Variants in ZNF268 observed in about 807,000 individuals in gnomAD.
ZNF268 encodes zinc finger protein 3.
A neutral mutation model predicts 29.3 loss-of-function variants in ZNF268; 20 were observed. The observed-to-expected ratio is 0.68, with a 90% CI of 0.48 to 0.99. The LOEUF is 0.99. Among genes scored for constraint, ZNF268 ranks in the 50% least tolerant of loss-of-function variants. The pLI, the probability that ZNF268 is intolerant of heterozygous loss-of-function variation, is 0.00. For missense variants in ZNF268, 1,240 were observed against 1,121.6 expected (o/e 1.11, Z -1.51); for synonymous variants, 429 against 376.9 (o/e 1.14, Z -1.60).
chr12:133,201,790 C>G (rs1414693426), intron 5 of ZNF268, among the ~76,000 whole-genome samples: 1 of 151,978 alleles, frequency 6.6e-6, no homozygotes, highest in African/African-American at 2.4e-5. Flanking sequence ...TTCATAGATC[C>G]CTAATGACAT....
At position 133,203,179 on chromosome 12, in the gene ZNF268, AACCTT is replaced by A. The variant is rs1374666781; in HGVS notation, c.1495_1499del (p.Pro499CysfsTer4). On this transcript the variant is annotated frameshift_variant, in exon 6 of 6. Coordinates refer to ENST00000536435, the MANE Select transcript of ZNF268 (RefSeq NM_003415.3). LOFTEE classifies it low-confidence loss of function (END_TRUNC). ...CATCAGAGAAGTCACACAGGAATGA[AACCTT>A]ATGTATGCAATGAATGTGGCAAAGC... The A allele has an allele frequency of 6.5e-7, 1 of 1,537,826 alleles. No homozygotes were observed. The highest frequency in any genetic ancestry group is 8.7e-7 in the Non-Finnish European group (1 of 1,146,842).
rs1293707180 is a variant in ZNF268, at chr12:133,207,348, T to C, written c.*2818T>C. ...GTGAACATAGGTTTAAAAATCCATA[T>C]TTGTGAACATAGGTTTAAAAATTCT... is the stretch of plus-strand genomic sequence containing the variant. On this transcript the variant is annotated 3_prime_UTR_variant, in exon 6 of 6. Coordinates refer to ENST00000536435, the MANE Select transcript of ZNF268 (RefSeq NM_003415.3). The C allele has an allele frequency of 2.3e-5, 1 of 44,366 alleles. No homozygotes were observed. The highest frequency in any genetic ancestry group is 6.8e-5 in the African/African-American group (1 of 14,754). 2.7% of individuals were successfully genotyped at this position (44,366 alleles called of 1,614,324 possible).
At position 133,213,972 on chromosome 12, in the gene ZNF268, G is replaced by C. The variant is rs1957021813; in HGVS notation, c.*9442G>C. 7.0e-6 allele frequency: 1 copy of C among 142,842 alleles called. No homozygotes were observed. The highest frequency in any genetic ancestry group is 2.3e-4 in the South Asian group (1 of 4,366). The allele number at this position is 142,842 out of a possible 1,614,324, so 8.8% of individuals were successfully genotyped here. Reference sequence around the variant, plus strand: ...CCACTGCACTCCAGCCTGGGCGACAGAGCGAGACTCCGTCTCAAAAAAAAA... The same window carrying C: ...CCACTGCACTCCAGCCTGGGCGACACAGCGAGACTCCGTCTCAAAAAAAAA... On this transcript the variant is annotated 3_prime_UTR_variant, in exon 6 of 6. Coordinates refer to ENST00000536435, the MANE Select transcript of ZNF268 (RefSeq NM_003415.3).
At chr12:133,184,865 G>A in intron 2 of ZNF268, 6 of 315,808 alleles carry the variant, frequency 1.9e-5, no homozygotes, top group South Asian at 1.4e-4. Context: ...TGAAACCGTA[G>A]CAGTCATAAA....
At position 133,211,369 on chromosome 12, in the gene ZNF268, G is replaced by A. The variant is rs931419182; in HGVS notation, c.*6839G>A. On this transcript the variant is annotated 3_prime_UTR_variant, in exon 6 of 6. Coordinates refer to ENST00000536435, the MANE Select transcript of ZNF268 (RefSeq NM_003415.3). Reference sequence around the variant, plus strand: ...GGCCGAGGCGGGCAGATCACCTGAGGTCCGGAGTTCGAGACCAGCCTGACC... The same window carrying A: ...GGCCGAGGCGGGCAGATCACCTGAGATCCGGAGTTCGAGACCAGCCTGACC... 29 of 297,184 alleles carry A rather than the reference G, an allele frequency of 9.8e-5. No homozygotes were observed. Among genetic ancestry groups the A allele is most frequent in the African/African-American group, 6.0e-4 (27 of 44,974 alleles). 18.4% of individuals were successfully genotyped at this position (297,184 alleles called of 1,614,324 possible).
At chr12:133,183,457 G>A (rs922660792) in intron 2 of ZNF268, among the ~76,000 whole-genome samples, 5 of 150,908 alleles carry the variant, frequency 3.3e-5, no homozygotes, top group Non-Finnish European at 5.9e-5. Flanking sequence ...CCGAGATCGC[G>A]CCACTGCACT....
chr12:133,213,259 G>A lies in ZNF268; in HGVS notation c.*8729G>A, dbSNP rs1593946817. The A allele has an allele frequency of 1.3e-5, 2 of 152,166 alleles. No individual in the cohort carries two copies. Among genetic ancestry groups the A allele is most frequent in the African/African-American group, 2.4e-5 (1 of 41,434 alleles). The allele number at this position is 152,166 out of a possible 1,614,324, so 9.4% of individuals were successfully genotyped here. On this transcript the variant is annotated 3_prime_UTR_variant, in exon 6 of 6. Coordinates refer to ENST00000536435, the MANE Select transcript of ZNF268 (RefSeq NM_003415.3). ...CTAGTGATGTTGAAAATCTTTTCAT[G>A]TACTTCTTGGCACTGGATTTGGCAA...
chr12:133,193,636 T>C, intron 5 of ZNF268: 1 of 476,024 alleles, frequency 2.1e-6, no homozygotes, highest in Non-Finnish European at 3.8e-6. Context: ...CACAACTTAA[T>C]CTTCTCTTAA....
rs1461926171 is a variant in ZNF268, at chr12:133,208,045, G to A, written c.*3515G>A. 1 of 152,088 alleles carries A rather than the reference G, an allele frequency of 6.6e-6. No homozygotes were observed. The highest frequency in any genetic ancestry group is 1.5e-5 in the Non-Finnish European group (1 of 68,014). 9.4% of individuals were successfully genotyped at this position (152,088 alleles called of 1,614,324 possible). A position where few individuals can be genotyped will look rare whatever the true frequency, so the allele number is the denominator to read the frequency against. On this transcript the variant is annotated 3_prime_UTR_variant, in exon 6 of 6. Coordinates refer to ENST00000536435, the MANE Select transcript of ZNF268 (RefSeq NM_003415.3). ...ATACTTAATGATAAAATAGTAGAAA[G>A]ATTCCTTTAAAGTAAAATTAGCCAG...
Position 133,191,902 on chromosome 12 carries a change from T to G in ZNF268, c.362-6T>G, listed in dbSNP as rs759866837. ...TCCAGGTTGTCTGTGATTTTTCTAT[T>G]TATAGGGTACCAACACACCAAACCT... is the stretch of plus-strand genomic sequence containing the variant. On this transcript the variant is annotated splice_polypyrimidine_tract_variant and splice_region_variant and intron_variant, in intron 4 of 5. Coordinates refer to ENST00000536435, the MANE Select transcript of ZNF268 (RefSeq NM_003415.3). The G allele has an allele frequency of 6.2e-7, 1 of 1,613,546 alleles. No individual in the cohort carries two copies. Among genetic ancestry groups the G allele is most frequent in the South Asian group, 1.1e-5 (1 of 91,070 alleles).
At chr12:133,183,642 T>G (rs1030656857) in intron 2 of ZNF268, among the ~76,000 whole-genome samples, 9 of 152,132 alleles carry the variant, frequency 5.9e-5, no homozygotes, top group African/African-American at 2.2e-4. Flanking sequence ...TGTCACCATT[T>G]GCTGAGTAAG....
intron 2 of ZNF268, 74 bp downstream of exon 2, chr12:133,182,104 G>A (rs1956191812): frequency 3.4e-6 from 5 of 1,462,896 alleles, no homozygotes; most frequent in Non-Finnish European, 3.7e-6. Context: ...ATCTACTCCA[G>A]TCTGAATTTG....
chr12:133,202,188 A>T lies in ZNF268; in HGVS notation c.502A>T (p.Asn168Tyr). 1 of 1,602,804 alleles carries T rather than the reference A, an allele frequency of 6.2e-7. No homozygotes were observed. Among genetic ancestry groups the T allele is most frequent in the Non-Finnish European group, 8.5e-7 (1 of 1,175,032 alleles). Reference protein sequence around the residue: ...IDDLMDWHQENKDKLGSTAKS... With the variant: ...IDDLMDWHQEYKDKLGSTAKS... Reference sequence around the variant, plus strand: ...TGATCTTATGGATTGGCATCAGGAAAATAAAGACAAGCTGGGAAGTACGGC... The same window carrying T: ...TGATCTTATGGATTGGCATCAGGAATATAAAGACAAGCTGGGAAGTACGGC... Residue 168 changes from asparagine (N) to tyrosine (Y), a missense_variant, in exon 6 of 6, where the codon AAT becomes TAT. Transcript: ENST00000536435.
Position 133,203,934 on chromosome 12 carries a change from A to T in ZNF268, c.2248A>T (p.Asn750Tyr). The change falls in exon 6 of 6, where the codon AAT (asparagine) becomes TAT (tyrosine). Residue 750 changes from asparagine (N) to tyrosine (Y), a missense_variant. Physicochemically the swap from Asn to Tyr is moderately radical, Grantham distance 143 (BLOSUM62 -2). Transcript: ENST00000536435. ...GCATCAGAGAATTCACACAGGAGAAAATCCCTATGAATGCAGTGAATGTGG... is the reference window on the plus strand; with the variant it reads ...GCATCAGAGAATTCACACAGGAGAATATCCCTATGAATGCAGTGAATGTGG... ...IVHQRIHTGE[N>Y]PYECSECGKA... 6.3e-7 allele frequency: 1 copy of T among 1,593,156 alleles called. No individual in the cohort carries two copies.
chr12:133,203,563 A>G lies in ZNF268; in HGVS notation c.1877A>G (p.Asn626Ser). 6.4e-7 allele frequency: 1 copy of G among 1,561,150 alleles called. No homozygotes were observed. Among genetic ancestry groups the G allele is most frequent in the Non-Finnish European group, 8.6e-7 (1 of 1,156,392 alleles). Residue 626 changes from asparagine (N) to serine (S), a missense_variant, in exon 6 of 6, where the codon AAC becomes AGC. Physicochemically the swap from Asn to Ser is conservative, Grantham distance 46. This residue lies in a region of ZNF268 where 1,177 missense variants were observed against 1,039.6 expected (regional missense o/e 1.13). Coordinates refer to ENST00000536435, the MANE Select transcript of ZNF268 (RefSeq NM_003415.3). ...ECQKAFNTKS[N>S]LIVHQRTHTG... is the part of the protein sequence containing the mutation. ...CAGAAAGCCTTTAATACAAAGTCAA[A>G]CCTGATTGTACATCAGAGAACTCAT...
In ZNF268 at chr12:133,191,966, T is replaced by G. The variant is rs771848342; in HGVS notation, c.420T>G (p.Cys140Trp). Residue 140 changes from cysteine to tryptophan, a missense_variant, in exon 5 of 6, where the codon TGT becomes TGG. Coordinates refer to ENST00000536435, the MANE Select transcript of ZNF268 (RefSeq NM_003415.3). ...IFKLEQGEELCMVQAQVPNQT... is the reference protein window; with the variant it reads ...IFKLEQGEELWMVQAQVPNQT... ...AGTTGGAACAAGGAGAAGAGCTGTG[T>G]ATGGTGCAGGCCCAAGTTCCAAATC... 6.2e-7 allele frequency: 1 copy of G among 1,614,164 alleles called. No homozygotes were observed. The highest frequency in any genetic ancestry group is 8.5e-7 in the Non-Finnish European group (1 of 1,179,998).
At chr12:133,197,976 C>T (rs1956653600) in intron 5 of ZNF268, among the ~76,000 whole-genome samples, 2 of 152,030 alleles carry the variant, frequency 1.3e-5, no homozygotes, top group South Asian at 4.2e-4. Flanking sequence ...TTCTCCCATT[C>T]TGTAGGTTGC....
At chr12:133,199,642 T>A (rs190358208) in intron 5 of ZNF268, among the ~76,000 whole-genome samples, 5 of 152,236 alleles carry the variant, frequency 3.3e-5, no homozygotes, top group Admixed American at 2.0e-4. Flanking sequence ...TCTGGTAGAA[T>A]TTGGCTGTGA....
chr12:133,204,708 AAGAT>A lies in ZNF268; in HGVS notation c.*181_*184del. On this transcript the variant is annotated 3_prime_UTR_variant, in exon 6 of 6. Coordinates refer to ENST00000536435, the MANE Select transcript of ZNF268 (RefSeq NM_003415.3). ...CAGAAAGCTGTTCTTTACATGCAAA[AAGAT>A]AGTAGACAATACACAGGAAAACTGA... The A allele has an allele frequency of 1.9e-6, 1 of 519,646 alleles. No individual in the cohort carries two copies. The highest frequency in any genetic ancestry group is 3.3e-6 in the Non-Finnish European group (1 of 303,260). 32.2% of individuals were successfully genotyped at this position (519,646 alleles called of 1,614,324 possible).
Sources: gnomAD v4.1 joint callset for allele counts (sites outside exome capture counted in the v4.1 genomes callset) on GRCh38, gnomAD v4.1.1 for gene constraint, gnomAD v4.1.1 regional missense constraint, MANE v1.5 for transcripts, NCBI Gene and HGNC (gene_info 2026-07-23, HGNC 2026-07-21) for gene names.